Variants in LAMC3 observed in about 807,000 individuals in gnomAD.
The protein encoded by LAMC3 is laminin subunit gamma 3, also known as laminin subunit gamma-3.
A neutral mutation model predicts 173.8 loss-of-function variants in LAMC3; 128 were observed. The ratio of observed to expected loss-of-function variants is 0.74; its 90% CI spans 0.64 to 0.85. The LOEUF (loss-of-function observed/expected upper bound fraction) is 0.85, where lower values mean the gene tolerates loss of function less well. LAMC3 is among the 40% of genes least tolerant of loss of function. The pLI is 0.00. For synonymous variants in LAMC3, 897 were observed against 909.1 expected, an observed-to-expected ratio of 0.99 and a Z score of 0.24; for missense variants, 2,022 against 2,156.0, an observed-to-expected ratio of 0.94 and a Z score of 1.23.
intron 11 of LAMC3, among the ~76,000 whole-genome samples, chr9:131,055,509 C>T (rs1834384724): frequency 6.7e-6 from 1 of 149,480 alleles, no homozygotes. Flanking sequence ...ACTGCAAGCT[C>T]CGCCTCCCGG....
At chr9:131,050,435 G>T (rs920343456) in intron 9 of LAMC3, among the ~76,000 whole-genome samples, 2 of 152,204 alleles carry the variant, frequency 1.3e-5, no homozygotes, top group East Asian at 3.9e-4. Flanking sequence ...CTGCCTACGA[G>T]CACTCAGTGG....
In LAMC3 at chr9:131,067,108, G is replaced by A. The variant is rs1829951706; in HGVS notation, c.2496G>A (p.Leu832=). 1 of 1,614,168 alleles carries A rather than the reference G, an allele frequency of 6.2e-7. No individual in the cohort carries two copies. The highest frequency in any genetic ancestry group is 2.2e-5 in the East Asian group (1 of 44,876). ...GTGACCCCCTGTCTGGCCACTGCCT[G>A]CGCTGCCTGCACAACACCACGGGTG... ...GNCDPLSGHC[L]RCLHNTTGDH... is the part of the protein sequence containing the mutation. The change falls in exon 14 of 28, where the codon CTG becomes CTA. Residue 832 remains leucine, a synonymous_variant. Coordinates refer to ENST00000361069, the MANE Select transcript of LAMC3 (RefSeq NM_006059.4).
chr9:131,067,955 C>T lies in LAMC3; in HGVS notation c.2594-123C>T. 2.8e-6 allele frequency: 3 copies of T among 1,069,500 alleles called. No homozygotes were observed. The East Asian group carries it at 7.1e-5, about 25-fold the overall frequency. 66.3% of individuals were successfully genotyped at this position (1,069,500 alleles called of 1,614,324 possible). On this transcript the variant is annotated intron_variant, in intron 14 of 27. Coordinates refer to ENST00000361069, the MANE Select transcript of LAMC3 (RefSeq NM_006059.4). Reference sequence around the variant, plus strand: ...CTTTTTCCAGCAGTGGCGTCTGAATCTGGGCTGAATGTGCCGTATCATCTC... The same window carrying T: ...CTTTTTCCAGCAGTGGCGTCTGAATTTGGGCTGAATGTGCCGTATCATCTC...
At chr9:131,018,507 C>T (rs1833568396) in intron 1 of LAMC3, among the ~76,000 whole-genome samples, 1 of 152,076 alleles carries the variant, frequency 6.6e-6, no homozygotes, top group Non-Finnish European at 1.5e-5. Context: ...GCTCCAGGGG[C>T]CAATGAGGCT....
rs563471469 is a variant in LAMC3, at chr9:131,091,955, C to T, written c.*168C>T. The T allele has an allele frequency of 1.8e-3, 1,421 of 810,478 alleles. 3 individuals carry two copies. The highest frequency in any genetic ancestry group is 2.3e-3 in the Non-Finnish European group (1,196 of 512,250). 50.2% of individuals were successfully genotyped at this position (810,478 alleles called of 1,614,324 possible). A position where few individuals can be genotyped will look rare whatever the true frequency, so the allele number is the denominator to read the frequency against. On this transcript the variant is annotated 3_prime_UTR_variant, in exon 28 of 28. Coordinates refer to ENST00000361069, the MANE Select transcript of LAMC3 (RefSeq NM_006059.4). Reference sequence around the variant, plus strand: ...CTGCCGATTCTGTCTGTGGCTTCTTCCCTGCCAGCAGGACTGAGTGTGCGT... The same window carrying T: ...CTGCCGATTCTGTCTGTGGCTTCTTTCCTGCCAGCAGGACTGAGTGTGCGT...
Position 131,068,094 on chromosome 9 carries a change from A to G in LAMC3, c.2610A>G (p.Pro870=), listed in dbSNP as rs1409028631. 4 of 1,611,702 alleles carry G rather than the reference A, an allele frequency of 2.5e-6. No homozygotes were observed. The South Asian group carries it at 3.3e-5, about 13-fold the overall frequency. The change falls in exon 15 of 28, where the codon CCA becomes CCG. Residue 870 remains proline, a synonymous_variant. Coordinates refer to ENST00000361069, the MANE Select transcript of LAMC3 (RefSeq NM_006059.4). ...ADKCMPCSCH[P]QGSVSEQMPC... ...TGCCCCCAGCTTGCAGCTGTCACCC[A>G]CAGGGCTCGGTCAGTGAGCAGATGC...
chr9:131,011,415 T>G (rs1833413379), intron 1 of LAMC3, among the ~76,000 whole-genome samples: 1 of 152,160 alleles, frequency 6.6e-6, no homozygotes, highest in African/African-American at 2.4e-5. Context: ...ATAAACTCTT[T>G]GATGTGAGTT....
chr9:131,010,504 C>T (rs1833394212), intron 1 of LAMC3, among the ~76,000 whole-genome samples: 1 of 152,196 alleles, frequency 6.6e-6, no homozygotes, highest in Admixed American at 6.5e-5. Context: ...TAGACCAGAA[C>T]TGTTGGGGAG....
chr9:131,063,920 T>C (rs916577521), intron 13 of LAMC3, among the ~76,000 whole-genome samples: 59 of 152,186 alleles, frequency 3.9e-4, no homozygotes, highest in African/African-American at 1.3e-3. Context: ...AACTTTTTTT[T>C]CTCTGGAAAC....
rs546463827 is a variant in LAMC3 at position 131,092,008 on chromosome 9, ACT to A, written c.*225_*226del. The stretch of plus-strand genomic sequence containing the variant: ...CCAGTTCACCTGGACATGAGTGCAC[ACT>A]CTCACCCCTGCACATGCATAAACGG... On this transcript the variant is annotated 3_prime_UTR_variant, in exon 28 of 28. Transcript: ENST00000361069. 36 of 604,454 alleles carry A rather than the reference ACT, an allele frequency of 6.0e-5. No individual in the cohort carries two copies. The highest frequency in any genetic ancestry group is 5.4e-4 in the African/African-American group (29 of 54,120). The allele number at this position is 604,454 out of a possible 1,614,324, so 37.4% of individuals were successfully genotyped here.
chr9:131,080,121 TGCC>T lies in LAMC3; in HGVS notation c.3927+824_3927+826del, dbSNP rs1340777607. Among the ~76,000 whole-genome samples the T allele has an allele frequency of 5.3e-5, 8 of 151,764 alleles. No individual in the cohort carries two copies. In the East Asian group the frequency reaches 1.5e-3, roughly 29 times the overall value. The stretch of plus-strand genomic sequence containing the variant: ...CAGAGTAACTGGGACTACAGGTGTG[TGCC>T]ACCGTGTCTAGCTAAATTCTTTTGT... On this transcript the variant is annotated intron_variant, in intron 23 of 27. Coordinates refer to ENST00000361069, the MANE Select transcript of LAMC3 (RefSeq NM_006059.4).
At chr9:131,024,756 C>G (rs1481972982) in intron 1 of LAMC3, among the ~76,000 whole-genome samples, 1 of 152,166 alleles carries the variant, frequency 6.6e-6, no homozygotes, top group Non-Finnish European at 1.5e-5. Context: ...AGGCACCTTG[C>G]TAGGCACTGG....
At chr9:131,031,590 C>T (rs932451223) in intron 2 of LAMC3, among the ~76,000 whole-genome samples, 3 of 152,190 alleles carry the variant, frequency 2.0e-5, no homozygotes, top group Non-Finnish European at 1.5e-5. Flanking sequence ...CGTCCCCCAG[C>T]TGTATCCCTG....
Position 131,026,864 on chromosome 9 carries a change from T to A in LAMC3, c.678+275T>A, listed in dbSNP as rs34043634. Among the ~76,000 whole-genome samples, 5 of 152,080 alleles carry A rather than the reference T, an allele frequency of 3.3e-5. No individual in the cohort carries two copies. Among genetic ancestry groups the A allele is most frequent in the African/African-American group, 9.6e-5 (4 of 41,466 alleles). ...TGAGATTACAGGTGCCCGCCACGAC[T>A]CCTGGCTGATTCTTTTTTGTATTTT... is the stretch of plus-strand genomic sequence containing the variant. On this transcript the variant is annotated intron_variant, in intron 2 of 27. Transcript: ENST00000361069. The surrounding 1 kb of genome is among the most constrained non-coding windows in gnomAD (Gnocchi z 4.8).
Position 131,067,110 on chromosome 9 carries a change from G to A in LAMC3, c.2498G>A (p.Arg833His), listed in dbSNP as rs201590096. Reference protein sequence around the residue: ...NCDPLSGHCLRCLHNTTGDHC... With the variant: ...NCDPLSGHCLHCLHNTTGDHC... ...GACCCCCTGTCTGGCCACTGCCTGC[G>A]CTGCCTGCACAACACCACGGGTGAC... Residue 833 changes from arginine to histidine, a missense_variant, in exon 14 of 28, where the codon CGC becomes CAC. Physicochemically the swap from Arg to His is conservative, Grantham distance 29 (BLOSUM62 0). Transcript: ENST00000361069. 31 of 1,614,138 alleles carry A rather than the reference G, an allele frequency of 1.9e-5. No individual in the cohort carries two copies. The South Asian group carries it at 2.3e-4, about 12-fold the overall frequency.
rs567668240 is a variant in LAMC3, at chr9:131,091,713, G to A, written c.4654G>A (p.Glu1552Lys). Residue 1552 changes from glutamate to lysine, a missense_variant, in exon 28 of 28, where the codon GAG becomes AAG. Physicochemically the swap from Glu to Lys is moderately conservative, Grantham distance 56. Coordinates refer to ENST00000361069, the MANE Select transcript of LAMC3 (RefSeq NM_006059.4). ...QIQGFESDLAEIRADKQNLEA... is the reference protein window; with the variant it reads ...QIQGFESDLAKIRADKQNLEA... ...CCAGGGCTTCGAGAGTGACCTCGCC[G>A]AGATCCGCGCCGACAAACAGAACCT... 1.9e-5 allele frequency: 31 copies of A among 1,612,676 alleles called. No individual in the cohort carries two copies. The Middle Eastern group carries it at 8.3e-4, about 43-fold the overall frequency.
rs141724499 is a variant in LAMC3, at chr9:131,085,585, C to T, written c.4092C>T (p.Ser1364=). 5.4e-3 allele frequency: 8,750 copies of T among 1,614,078 alleles called. 40 individuals are homozygous for T. The highest frequency in any genetic ancestry group is 6.3e-3 in the Non-Finnish European group (7,466 of 1,180,028). ...DQAALQRKAD[S]VSDRLLADTR... is the part of the protein sequence containing the mutation. ...CGGCATTGCAGAGGAAGGCAGACTC[C>T]GTCAGTGACAGACTCCTTGCAGACA... is the stretch of plus-strand genomic sequence containing the variant. The change falls in exon 25 of 28, where the codon TCC becomes TCT. Residue 1364 remains serine, a synonymous_variant. Coordinates refer to ENST00000361069, the MANE Select transcript of LAMC3 (RefSeq NM_006059.4).
intron 23 of LAMC3, 114 bp from the exon 24 acceptor site, chr9:131,081,945 A>C (rs1830250475): frequency 2.7e-6 from 2 of 740,582 alleles, no homozygotes; most frequent in Non-Finnish European, 4.8e-6. Context: ...ACCCAGCGTC[A>C]GGGATTTGGT....
chr9:131,026,038 C>A lies in LAMC3; in HGVS notation c.374-247C>A, dbSNP rs1035553431. Among the ~76,000 whole-genome samples the A allele has an allele frequency of 1.3e-5, 2 of 152,166 alleles. No homozygotes were observed. The highest frequency in any genetic ancestry group is 4.8e-5 in the African/African-American group (2 of 41,424). On this transcript the variant is annotated intron_variant, in intron 1 of 27. Transcript: ENST00000361069. This position sits in a 1 kb window ranked among gnomAD's most constrained non-coding sequence, Gnocchi z 4.8. ...TCTCAGGGGTGTTGCAACGGAGATT[C>A]CTGTGCAGGGTGGCGAGTTGACCCA...
Sources: gnomAD v4.1 joint callset for allele counts (sites outside exome capture counted in the v4.1 genomes callset) on GRCh38, gnomAD v4.1.1 for gene constraint, Gnocchi (gnomAD v3.1) non-coding constraint, MANE v1.5 for transcripts, NCBI Gene and HGNC (gene_info 2026-07-23, HGNC 2026-07-21) for gene names.